Variants in EXOC6B observed in about 807,000 individuals in gnomAD.
EXOC6B encodes the protein exocyst complex component 6B, also known as SEC15 homolog B.
EXOC6B carries 54 observed loss-of-function variants against 113.5 expected under a neutral mutation model. That is an observed-to-expected ratio of 0.48 (90% CI 0.38 to 0.60). EXOC6B has a LOEUF of 0.60. Among genes scored for constraint, EXOC6B ranks in the 20% least tolerant of loss-of-function variants. The pLI, the probability that EXOC6B is intolerant of heterozygous loss-of-function variation, is 0.00. For missense variants in EXOC6B, 797 were observed against 977.5 expected, an observed-to-expected ratio of 0.82 and a Z score of 2.46; for synonymous variants, 357 against 339.0, an observed-to-expected ratio of 1.05 and a Z score of -0.58.
chr2:72,537,973 CTTTT>C (rs200117521), intron 8 of EXOC6B, among the ~76,000 whole-genome samples: 1 of 139,964 alleles, frequency 7.1e-6, no homozygotes. Flanking sequence ...ATGACTAAGA[CTTTT>C]TTTTTTTTTT....
At chr2:72,231,226 C>T (rs1681600245) in intron 20 of EXOC6B, among the ~76,000 whole-genome samples, 1 of 152,040 alleles carries the variant, frequency 6.6e-6, no homozygotes, top group African/African-American at 2.4e-5. Context: ...ATTTAAAAGA[C>T]CTGATTGCCA....
intron 6 of EXOC6B, among the ~76,000 whole-genome samples, chr2:72,612,168 G>A (rs1178355289): frequency 2.0e-5 from 3 of 151,926 alleles, no homozygotes; most frequent in East Asian, 1.9e-4. Context: ...CCAGCTACTC[G>A]GAAGGCTGAG....
chr2:72,705,644 C>A (rs1271804645), intron 6 of EXOC6B, among the ~76,000 whole-genome samples: 1 of 151,954 alleles, frequency 6.6e-6, no homozygotes, highest in East Asian at 1.9e-4. Context: ...CCTGACAAAG[C>A]CTCTCCTATC....
chr2:72,361,007 T>G (rs1690280115), intron 19 of EXOC6B, among the ~76,000 whole-genome samples: 1 of 151,820 alleles, frequency 6.6e-6, no homozygotes, highest in African/African-American at 2.4e-5. Context: ...GCAACCCCAT[T>G]CCCAGAGAAG....
At position 72,825,534 on chromosome 2, in the gene EXOC6B, C is replaced by T. The variant is rs1686848368; in HGVS notation, c.113+264G>A. Among the ~76,000 whole-genome samples, 1 of 152,216 alleles carries T rather than the reference C, an allele frequency of 6.6e-6. No individual in the cohort carries two copies. The highest frequency in any genetic ancestry group is 1.9e-4 in the East Asian group (1 of 5,194). On this transcript the variant is annotated intron_variant, in intron 1 of 21. Transcript: ENST00000272427. This position sits in a 1 kb window ranked among gnomAD's most constrained non-coding sequence, Gnocchi z 4.4. The stretch of plus-strand genomic sequence containing the variant: ...CGGGCGCCCTCTCGTTCCCCAGCGC[C>T]GGACCAGCCTCGGAGGGAGAACGAA...
At chr2:72,761,881 G>A (rs1573753900) in intron 1 of EXOC6B, among the ~76,000 whole-genome samples, 1 of 152,190 alleles carries the variant, frequency 6.6e-6, no homozygotes, top group East Asian at 1.9e-4. Flanking sequence ...AGGAGGCTGA[G>A]GTCAAAGGTT....
chr2:72,361,194 G>A (rs767899386), intron 19 of EXOC6B, among the ~76,000 whole-genome samples: 7 of 152,266 alleles, frequency 4.6e-5, no homozygotes, highest in South Asian at 2.1e-4. Context: ...GGAAAACTGC[G>A]TGGTTATGCA....
intron 18 of EXOC6B, among the ~76,000 whole-genome samples, chr2:72,432,622 C>T (rs1057049941): frequency 6.6e-6 from 1 of 152,174 alleles, no homozygotes; most frequent in Non-Finnish European, 1.5e-5. Flanking sequence ...CCCATTCTAA[C>T]TGGCATGAGA....
At chr2:72,814,253 C>T (rs1469592202) in intron 1 of EXOC6B, among the ~76,000 whole-genome samples, 2 of 152,152 alleles carry the variant, frequency 1.3e-5, no homozygotes, top group Non-Finnish European at 2.9e-5. Context: ...ATTTATCTAA[C>T]GTACAATAGA....
At chr2:72,764,811 A>G (rs1682965199) in intron 1 of EXOC6B, among the ~76,000 whole-genome samples, 3 of 152,240 alleles carry the variant, frequency 2.0e-5, no homozygotes, top group African/African-American at 7.2e-5. Context: ...TTGCAAACAA[A>G]CAAATAACAT....
intron 6 of EXOC6B, among the ~76,000 whole-genome samples, chr2:72,579,836 T>TA (rs1705094804): frequency 6.6e-6 from 1 of 152,106 alleles, no homozygotes; most frequent in African/African-American, 2.4e-5. Context: ...GAAAAGAAGA[T>TA]TTAGGCCTTA....
At chr2:72,543,135 T>TA (rs1440743898) in intron 8 of EXOC6B, among the ~76,000 whole-genome samples, 5 of 151,852 alleles carry the variant, frequency 3.3e-5, no homozygotes, top group African/African-American at 1.2e-4. Flanking sequence ...GCACATGGAG[T>TA]ATGGTGTATC....
At chr2:72,456,911 T>C (rs896079222) in intron 18 of EXOC6B, among the ~76,000 whole-genome samples, 1 of 151,644 alleles carries the variant, frequency 6.6e-6, no homozygotes, top group Non-Finnish European at 1.5e-5. Context: ...TAAGGCCTCA[T>C]AGAAGGTGTG....
At chr2:72,376,443 T>C (rs1307124986) in intron 19 of EXOC6B, among the ~76,000 whole-genome samples, 1 of 152,210 alleles carries the variant, frequency 6.6e-6, no homozygotes, top group Non-Finnish European at 1.5e-5. Context: ...CTTATCACTG[T>C]TCTTCATTAT....
intron 6 of EXOC6B, among the ~76,000 whole-genome samples, chr2:72,588,205 G>A (rs1051282696): frequency 1.4e-4 from 22 of 151,970 alleles, no homozygotes; most frequent in African/African-American, 2.2e-4. Flanking sequence ...TTTAAAGCAC[G>A]AAATCAAAGA....
chr2:72,262,335 T>C (rs1683780715), intron 20 of EXOC6B, among the ~76,000 whole-genome samples: 1 of 152,034 alleles, frequency 6.6e-6, no homozygotes. Context: ...GAGTGGCTTC[T>C]GGTCTTTGTT....
intron 18 of EXOC6B, among the ~76,000 whole-genome samples, chr2:72,423,229 C>T (rs769036203): frequency 2.6e-5 from 4 of 151,612 alleles, no homozygotes; most frequent in Non-Finnish European, 2.9e-5. Flanking sequence ...CCTGAGCCAG[C>T]GAGACCACGA....
intron 20 of EXOC6B, among the ~76,000 whole-genome samples, chr2:72,317,993 A>G (rs562019615): frequency 4.9e-4 from 74 of 152,266 alleles, no homozygotes; most frequent in Non-Finnish European, 8.5e-4. Context: ...TTTTTAGAGC[A>G]TATTTCTTTT....
chr2:72,392,656 C>G (rs1692464751), intron 18 of EXOC6B, among the ~76,000 whole-genome samples: 1 of 152,190 alleles, frequency 6.6e-6, no homozygotes, highest in African/African-American at 2.4e-5. Context: ...GTGTGGCATA[C>G]ATTGCAGATA....
Sources: allele counts gnomAD v4.1 joint callset (sites outside exome capture counted in the v4.1 genomes callset), GRCh38; gene constraint gnomAD v4.1.1; non-coding constraint Gnocchi (gnomAD v3.1); transcripts MANE v1.5; gene names NCBI Gene and HGNC (gene_info 2026-07-23, HGNC 2026-07-21).